PTCHD1: variants seen among roughly 807,000 people sequenced by gnomAD.
PTCHD1 encodes patched domain-containing protein 1.
In PTCHD1, 3 loss-of-function variants were observed where a neutral mutation model predicts 34.6. That is an observed-to-expected ratio of 0.09 (90% CI 0.04 to 0.22). The LOEUF (loss-of-function observed/expected upper bound fraction) is 0.22. Ranked by LOEUF, PTCHD1 falls within the 10% of genes least tolerant of loss-of-function variation. The probability of loss-of-function intolerance (pLI) is 1.00; values close to 1 mark genes in which losing one functional copy is unlikely to be tolerated. For missense variants in PTCHD1, 504 were observed against 685.5 expected (o/e 0.74, Z 2.96); for synonymous variants, 305 against 283.1 (o/e 1.08, Z -0.77).
In PTCHD1 at chrX:23,396,074, A is replaced by T. The variant is rs1213915791; in HGVS notation, c.*1889A>T. On this transcript the variant is annotated 3_prime_UTR_variant, in exon 3 of 3. Coordinates refer to ENST00000379361, the MANE Select transcript of PTCHD1 (RefSeq NM_173495.3). ...AGACATTTTTTTAGTGTCTGGAATTAAAATGTTTGAGGTTTAGGTTTGCCA... is the reference window on the plus strand; with the variant it reads ...AGACATTTTTTTAGTGTCTGGAATTTAAATGTTTGAGGTTTAGGTTTGCCA... 1 of 112,453 alleles carries T rather than the reference A, an allele frequency of 8.9e-6. No individual in the cohort carries two copies. Among genetic ancestry groups the T allele is most frequent in the African/African-American group, 3.2e-5 (1 of 30,936 alleles). 9.3% of individuals were successfully genotyped at this position (112,453 alleles called of 1,213,427 possible). A position where few individuals can be genotyped will look rare whatever the true frequency, so the allele number is the denominator to read the frequency against.
chrX:23,364,022 A>C (rs1274427369), intron 1 of PTCHD1, among the ~76,000 whole-genome samples: 1 of 112,526 alleles, frequency 8.9e-6, no homozygotes, highest in African/African-American at 3.2e-5. Flanking sequence ...CAGCAAAAAT[A>C]AATAAAAATA....
chrX:23,347,497 A>T (rs1189695656), intron 1 of PTCHD1, among the ~76,000 whole-genome samples: 1 of 112,284 alleles, frequency 8.9e-6, no homozygotes, highest in East Asian at 2.8e-4. Context: ...AGCTACAACA[A>T]ACATTAAATA....
chrX:23,402,543 C>T lies in PTCHD1; in HGVS notation c.*8358C>T, dbSNP rs1327925077. On this transcript the variant is annotated 3_prime_UTR_variant, in exon 3 of 3. Transcript: ENST00000379361. ...ATACAGAGCCTGAATCTATGTTTTTCTGAATAAAGAGACCCCATATTCTCT... is the reference window on the plus strand; with the variant it reads ...ATACAGAGCCTGAATCTATGTTTTTTTGAATAAAGAGACCCCATATTCTCT... 8.9e-6 allele frequency: 1 copy of T among 112,080 alleles called. No individual in the cohort carries two copies. The highest frequency in any genetic ancestry group is 3.2e-5 in the African/African-American group (1 of 30,943). 9.2% of individuals were successfully genotyped at this position (112,080 alleles called of 1,213,427 possible).
intron 2 of PTCHD1, 185 bp downstream of exon 2, chrX:23,380,436 G>A (rs1601914485): frequency 2.0e-6 from 1 of 506,124 alleles, no homozygotes; most frequent in South Asian, 2.6e-5. Flanking sequence ...TCTGGTAAAT[G>A]TGCCAGAAGT....
At chrX:23,391,768 T>C (rs1922834145) in intron 2 of PTCHD1, among the ~76,000 whole-genome samples, 1 of 111,923 alleles carries the variant, frequency 8.9e-6, no homozygotes, top group Non-Finnish European at 1.9e-5. Context: ...CATCTTCTCT[T>C]CTCTGGAGCG....
intron 1 of PTCHD1, among the ~76,000 whole-genome samples, chrX:23,365,982 A>G (rs768891337): frequency 7.1e-5 from 8 of 112,400 alleles, no homozygotes. Context: ...ATAAATCTAC[A>G]GTTGATAGAT....
chrX:23,356,870 C>A (rs1473439970), intron 1 of PTCHD1, among the ~76,000 whole-genome samples: 2 of 111,474 alleles, frequency 1.8e-5, no homozygotes, highest in African/African-American at 6.5e-5. Context: ...ATTCTCAATG[C>A]ACACAGGAGC....
At chrX:23,382,986 C>T (rs1272227668) in intron 2 of PTCHD1, among the ~76,000 whole-genome samples, 1 of 112,053 alleles carries the variant, frequency 8.9e-6, no homozygotes, top group South Asian at 3.7e-4. Context: ...GAAATATAAG[C>T]AAGAACAGCT....
rs1555913125 is a variant in PTCHD1, at chrX:23,401,023, T to TTTGTGTGTGTG, written c.*6839_*6840insTGTGTGTGTGT. 1 of 94,486 alleles carries TTTGTGTGTGTG rather than the reference T, an allele frequency of 1.1e-5. No individual in the cohort carries two copies. The highest frequency in any genetic ancestry group is 2.1e-5 in the Non-Finnish European group (1 of 47,612). 7.8% of individuals were successfully genotyped at this position (94,486 alleles called of 1,213,427 possible). On this transcript the variant is annotated 3_prime_UTR_variant, in exon 3 of 3. Transcript: ENST00000379361. ...GGTGCCCGCCACCGCGCCCGGCTAA[T>TTTGTGTGTGTG]TGTGTGTGTGTGTGTGTGTGTGTGT...
chrX:23,391,635 T>C (rs1463761068), intron 2 of PTCHD1, among the ~76,000 whole-genome samples: 1 of 111,114 alleles, frequency 9.0e-6, no homozygotes, highest in Non-Finnish European at 1.9e-5. Flanking sequence ...TAAAACCCTC[T>C]AGTTGGCAAA....
At chrX:23,346,975 A>G (rs1921493657) in intron 1 of PTCHD1, among the ~76,000 whole-genome samples, 1 of 112,211 alleles carries the variant, frequency 8.9e-6, no homozygotes, top group Non-Finnish European at 1.9e-5. Context: ...CTTCATCTAT[A>G]AAATGGGATC....
chrX:23,354,632 G>A (rs1210315468), intron 1 of PTCHD1, among the ~76,000 whole-genome samples: 4 of 104,043 alleles, frequency 3.8e-5, no homozygotes, highest in African/African-American at 1.1e-4. Context: ...GAGTGCAGTG[G>A]CGCCATCTCA....
Position 23,379,711 on chromosome X carries a change from G to A in PTCHD1, c.472G>A (p.Glu158Lys). Reference sequence around the variant, plus strand: ...CGTGGATGACATAGTGCACGTCCTGGAAGAGCTAAAGAATGCTCGGGCCAC... The same window carrying A: ...CGTGGATGACATAGTGCACGTCCTGAAAGAGCTAAAGAATGCTCGGGCCAC... ...CIVDDIVHVL[E>K]ELKNARATNR... The change falls in exon 2 of 3, where the codon GAA (glutamate) becomes AAA (lysine). Residue 158 changes from glutamate to lysine, a missense_variant. By Grantham distance (56) the Glu-to-Lys change is moderately conservative (BLOSUM62 1). Coordinates refer to ENST00000379361, the MANE Select transcript of PTCHD1 (RefSeq NM_173495.3). The A allele has an allele frequency of 1.7e-6, 2 of 1,211,234 alleles. No homozygotes were observed. Among genetic ancestry groups the A allele is most frequent in the Non-Finnish European group, 1.1e-6 (1 of 895,403 alleles).
chrX:23,373,256 A>G (rs1411667489), intron 1 of PTCHD1, among the ~76,000 whole-genome samples: 2 of 112,737 alleles, frequency 1.8e-5, no homozygotes, highest in Admixed American at 9.4e-5. Context: ...TTTCAGTGTC[A>G]GTACCCGCAA....
intron 2 of PTCHD1, among the ~76,000 whole-genome samples, chrX:23,385,218 C>T (rs140525031): frequency 1.8e-5 from 2 of 111,598 alleles, no homozygotes; most frequent in African/African-American, 6.5e-5. Flanking sequence ...TTCGTTCTTG[C>T]CCTTTTATTC....
At chrX:23,379,164 G>A (rs1334898949) in intron 1 of PTCHD1, among the ~76,000 whole-genome samples, 3 of 112,246 alleles carry the variant, frequency 2.7e-5, no homozygotes, top group Non-Finnish European at 5.6e-5. Context: ...ACTGAACAGG[G>A]GACCTATATA....
At chrX:23,378,923 C>A (rs1044430846) in intron 1 of PTCHD1, among the ~76,000 whole-genome samples, 4 of 111,900 alleles carry the variant, frequency 3.6e-5, no homozygotes, top group African/African-American at 1.3e-4. Context: ...TATATCCCAG[C>A]CAGGCTCTTA....
Position 23,335,166 on chromosome X carries a change from C to T in PTCHD1, c.291C>T (p.Ile97=), listed in dbSNP as rs568187420. 14 of 1,210,643 alleles carry T rather than the reference C, an allele frequency of 1.2e-5. No individual in the cohort carries two copies. In the South Asian group the frequency reaches 1.4e-4, roughly 12 times the overall value. Reference sequence around the variant, plus strand: ...CCCCCGGGCGCTACGGCCGGGTCATCGTCACCTCCTTCCAGAAAGCCAACA... The same window carrying T: ...CCCCCGGGCGCTACGGCCGGGTCATTGTCACCTCCTTCCAGAAAGCCAACA... ...LQTPGRYGRV[I]VTSFQKANML... is the part of the protein sequence containing the mutation. The change falls in exon 1 of 3, where the codon ATC becomes ATT. Residue 97 remains isoleucine (I), a synonymous_variant. Transcript: ENST00000379361.
chrX:23,384,468 T>C (rs1922637878), intron 2 of PTCHD1, among the ~76,000 whole-genome samples: 1 of 112,025 alleles, frequency 8.9e-6, no homozygotes, highest in Non-Finnish European at 1.9e-5. Flanking sequence ...AAAAGAATAA[T>C]AGCAGGGAAG....
Sources: gnomAD v4.1 joint callset for allele counts (sites outside exome capture counted in the v4.1 genomes callset) on GRCh38, gnomAD v4.1.1 for gene constraint, MANE v1.5 for transcripts, NCBI Gene and HGNC (gene_info 2026-07-23, HGNC 2026-07-21) for gene names.